Variants in SRBD1 observed in about 807,000 individuals in gnomAD.
SRBD1 encodes the protein S1 RNA binding domain 1, also known as S1 RNA-binding domain-containing protein 1.
A neutral mutation model predicts 115.3 loss-of-function variants in SRBD1; 88 were observed. The ratio of observed to expected loss-of-function variants is 0.76; its 90% CI spans 0.64 to 0.91. The LOEUF (loss-of-function observed/expected upper bound fraction) is 0.91. SRBD1 is among the 40% of genes least tolerant of loss of function. The probability of loss-of-function intolerance (pLI) is 0.00; values close to 1 mark genes in which losing one functional copy is unlikely to be tolerated. For missense variants in SRBD1, 1,385 were observed against 1,177.4 expected (o/e 1.18, Z -2.58); for synonymous variants, 509 against 407.7 (o/e 1.25, Z -2.99).
intron 16 of SRBD1, among the ~76,000 whole-genome samples, chr2:45,472,828 T>A (rs1378608405): frequency 6.6e-6 from 1 of 152,230 alleles, no homozygotes; most frequent in African/African-American, 2.4e-5. Context: ...GTTATTAACA[T>A]GAAATATCTT....
At chr2:45,559,171 A>G (rs1672580355) in intron 10 of SRBD1, among the ~76,000 whole-genome samples, 2 of 151,288 alleles carry the variant, frequency 1.3e-5, no homozygotes, top group South Asian at 4.2e-4. Context: ...TGCCATATCT[A>G]CTCTTGATTC....
chr2:45,606,081 GTAA>G (rs1674263474), intron 1 of SRBD1, among the ~76,000 whole-genome samples: 1 of 151,300 alleles, frequency 6.6e-6, no homozygotes, highest in African/African-American at 2.4e-5. Context: ...TTATTTTATG[GTAA>G]TAATATCAGG....
intron 14 of SRBD1, among the ~76,000 whole-genome samples, chr2:45,532,427 C>G (rs964315403): frequency 7.9e-5 from 12 of 151,758 alleles, no homozygotes; most frequent in African/African-American, 2.9e-4. Flanking sequence ...CCCAAGGTCA[C>G]GTCTAGAATT....
In SRBD1 at chr2:45,546,744, T is replaced by G; in HGVS notation, c.1862A>C (p.Asp621Ala). The G allele has an allele frequency of 6.2e-7, 1 of 1,614,034 alleles. No homozygotes were observed. Among genetic ancestry groups the G allele is most frequent in the Non-Finnish European group, 8.5e-7 (1 of 1,179,940 alleles). The change falls in exon 14 of 21, where the codon GAT becomes GCT. Residue 621 changes from aspartate (D) to alanine (A), a missense_variant. Transcript: ENST00000263736. ...LIMKNYFAPL[D>A]VVYCIVSEAG... ...GTAATAGCCTTACCAGTAAACAACA[T>G]CCAGTGGTGCAAAATAATTCTTCAT...
intron 16 of SRBD1, among the ~76,000 whole-genome samples, chr2:45,467,481 T>C (rs550291129): frequency 6.6e-6 from 1 of 152,338 alleles, no homozygotes; most frequent in South Asian, 2.1e-4. Flanking sequence ...ACATCTGCTC[T>C]ACCCAACTCT....
At chr2:45,448,169 A>G (rs1232878934) in intron 16 of SRBD1, 2 of 152,216 alleles carry the variant, frequency 1.3e-5, no homozygotes, top group Non-Finnish European at 2.9e-5. Flanking sequence ...TATTAAGAGC[A>G]CAGATTTTGA....
At position 45,546,775 on chromosome 2, in the gene SRBD1, G is replaced by C. The variant is rs769278756; in HGVS notation, c.1831C>G (p.Leu611Val). The C allele has an allele frequency of 6.2e-7, 1 of 1,614,088 alleles. No homozygotes were observed. The highest frequency in any genetic ancestry group is 8.5e-7 in the Non-Finnish European group (1 of 1,179,982). ...GGTGCAAAATAATTCTTCATTATCA[G>C]GTCAGCAAAGTAAGCTTCTGTTTCC... ...CRETEAYFAD[L>V]IMKNYFAPLD... Residue 611 changes from leucine (L) to valine (V), a missense_variant, in exon 14 of 21, where the codon CTG becomes GTG. Physicochemically the swap from Leu to Val is conservative, Grantham distance 32. Coordinates refer to ENST00000263736, the MANE Select transcript of SRBD1 (RefSeq NM_018079.5).
chr2:45,409,760 T>C (rs1476084314), intron 19 of SRBD1, among the ~76,000 whole-genome samples: 5 of 152,100 alleles, frequency 3.3e-5, no homozygotes, highest in Non-Finnish European at 1.5e-5. Context: ...AAAAACTCCA[T>C]TTACAATAGT....
chr2:45,481,766 G>A (rs1413616593), intron 15 of SRBD1, among the ~76,000 whole-genome samples: 1 of 152,074 alleles, frequency 6.6e-6, no homozygotes, highest in South Asian at 2.1e-4. Flanking sequence ...ACAATAGAAT[G>A]TTATTTGCCA....
intron 14 of SRBD1, among the ~76,000 whole-genome samples, chr2:45,545,562 T>G (rs1672090589): frequency 6.6e-6 from 1 of 152,174 alleles, no homozygotes; most frequent in African/African-American, 2.4e-5. Flanking sequence ...TGAAATAAAC[T>G]GAACCAGCTA....
chr2:45,489,480 G>T (rs1670227549), intron 14 of SRBD1, among the ~76,000 whole-genome samples: 1 of 152,146 alleles, frequency 6.6e-6, no homozygotes, highest in African/African-American at 2.4e-5. Flanking sequence ...ACCACAACTT[G>T]AGAAGATTAT....
chr2:45,561,157 A>G (rs780445362), intron 10 of SRBD1, among the ~76,000 whole-genome samples: 5 of 152,180 alleles, frequency 3.3e-5, no homozygotes, highest in Non-Finnish European at 5.9e-5. Flanking sequence ...ACACAGTAAT[A>G]TAAAGACACT....
intron 15 of SRBD1, among the ~76,000 whole-genome samples, chr2:45,487,801 C>T (rs1009673597): frequency 1.3e-5 from 2 of 151,986 alleles, no homozygotes; most frequent in Admixed American, 6.6e-5. Flanking sequence ...TTACAGGCAC[C>T]TGCCACCATG....
intron 15 of SRBD1, among the ~76,000 whole-genome samples, chr2:45,482,861 C>G (rs1244826963): frequency 6.6e-6 from 1 of 151,916 alleles, no homozygotes; most frequent in African/African-American, 2.4e-5. Flanking sequence ...ACATACCCTG[C>G]CATTTACTTT....
At position 45,418,291 on chromosome 2, in the gene SRBD1, A is replaced by C; in HGVS notation, c.2333+74T>G. Reference sequence around the variant, plus strand: ...ATGGACACTTAGAAAATTTTACACTAATCAGTGGTAGGATAGGTAACAGTA... The same window carrying C: ...ATGGACACTTAGAAAATTTTACACTCATCAGTGGTAGGATAGGTAACAGTA... On this transcript the variant is annotated intron_variant, in intron 18 of 20. Transcript: ENST00000263736. 1.3e-6 allele frequency: 2 copies of C among 1,527,242 alleles called. 1 individual carries two copies. Among genetic ancestry groups the C allele is most frequent in the South Asian group, 2.5e-5 (2 of 80,240 alleles). 94.6% of individuals were successfully genotyped at this position (1,527,242 alleles called of 1,614,324 possible).
intron 14 of SRBD1, among the ~76,000 whole-genome samples, chr2:45,525,945 G>A (rs1572734697): frequency 6.6e-6 from 1 of 151,908 alleles, no homozygotes; most frequent in South Asian, 2.1e-4. Context: ...CCATTAAGAT[G>A]GTTAAACCCA....
At chr2:45,562,888 T>G (rs1672717456) in intron 9 of SRBD1, 132 bp from the exon 10 acceptor site, 1 of 551,840 alleles carries the variant, frequency 1.8e-6, no homozygotes, top group Admixed American at 3.8e-5. Context: ...AATAATCATT[T>G]ACTTACACTT....
At chr2:45,465,865 A>C (rs1669471352) in intron 16 of SRBD1, among the ~76,000 whole-genome samples, 1 of 152,206 alleles carries the variant, frequency 6.6e-6, no homozygotes, top group South Asian at 2.1e-4. Context: ...TTAAACACAA[A>C]AGACACATTT....
chr2:45,565,072 C>G (rs559408679), intron 9 of SRBD1, among the ~76,000 whole-genome samples: 1 of 152,196 alleles, frequency 6.6e-6, no homozygotes, highest in Non-Finnish European at 1.5e-5. Flanking sequence ...AGTTGATTTA[C>G]AAATTCAGTG....
Sources: allele counts gnomAD v4.1 joint callset (sites outside exome capture counted in the v4.1 genomes callset), GRCh38; gene constraint gnomAD v4.1.1; transcripts MANE v1.5; gene names NCBI Gene and HGNC (gene_info 2026-07-23, HGNC 2026-07-21).